Variants in ABLIM2 observed in about 807,000 individuals in gnomAD.
ABLIM2 encodes the protein actin binding LIM protein family member 2, also known as actin-binding LIM protein 2.
Under a neutral mutation model 97.7 loss-of-function variants are expected in ABLIM2, and 53 were observed. The observed-to-expected ratio is 0.54, with a 90% CI of 0.44 to 0.68. ABLIM2 has a LOEUF of 0.68. Among genes scored for constraint, ABLIM2 ranks in the 30% least tolerant of loss-of-function variants. The pLI is 0.00. For missense variants in ABLIM2, 835 were observed against 867.2 expected (o/e 0.96, Z 0.47); for synonymous variants, 361 against 345.8 (o/e 1.04, Z -0.49).
intron 3 of ABLIM2, among the ~76,000 whole-genome samples, chr4:8,092,713 A>G (rs560787634): frequency 2.2e-4 from 34 of 152,264 alleles, no homozygotes; most frequent in Non-Finnish European, 3.4e-4. Context: ...GAAAAAGCAC[A>G]GCTCACAAGT....
chr4:8,152,597 G>T (rs569207896), intron 1 of ABLIM2, among the ~76,000 whole-genome samples: 2 of 152,316 alleles, frequency 1.3e-5, no homozygotes, highest in South Asian at 4.1e-4. Context: ...GCTCGACTCG[G>T]GTTGCTCTGT....
intron 6 of ABLIM2, among the ~76,000 whole-genome samples, chr4:8,074,819 A>G (rs1187318214): frequency 8.1e-5 from 10 of 123,926 alleles, no homozygotes; most frequent in African/African-American, 3.2e-4. Context: ...CTCGCTCTGT[A>G]GCCCAGGCTG....
Position 8,132,052 on chromosome 4 carries a change from C to T in ABLIM2, c.11-25415G>A, listed in dbSNP as rs376301292. ...CCTGCATCCCCGAGCACAGCTGTGCCGGCCGAGCTCAGGCCTCGGGGTGCC... is the reference window on the plus strand; with the variant it reads ...CCTGCATCCCCGAGCACAGCTGTGCTGGCCGAGCTCAGGCCTCGGGGTGCC... On this transcript the variant is annotated intron_variant, in intron 1 of 20. Coordinates refer to ENST00000447017, the MANE Select transcript of ABLIM2 (RefSeq NM_001130083.2). The surrounding 1 kb of genome is among the most constrained non-coding windows in gnomAD (Gnocchi z 8.0). Among the ~76,000 whole-genome samples, 3 of 152,166 alleles carry T rather than the reference C, an allele frequency of 2.0e-5. No homozygotes were observed. The highest frequency in any genetic ancestry group is 2.1e-4 in the South Asian group (1 of 4,822).
At chr4:8,117,695 C>T (rs1458542570) in intron 1 of ABLIM2, among the ~76,000 whole-genome samples, 1 of 152,144 alleles carries the variant, frequency 6.6e-6, no homozygotes, top group Non-Finnish European at 1.5e-5. Context: ...TCATCATTCT[C>T]CTAGGCTCGA....
rs1841160438 is a variant in ABLIM2 at position 8,113,078 on chromosome 4, A to T, written c.11-6441T>A. Among the ~76,000 whole-genome samples the T allele has an allele frequency of 6.6e-6, 1 of 152,148 alleles. No individual in the cohort carries two copies. Among genetic ancestry groups the T allele is most frequent in the Non-Finnish European group, 1.5e-5 (1 of 68,032 alleles). On this transcript the variant is annotated intron_variant, in intron 1 of 20. Coordinates refer to ENST00000447017, the MANE Select transcript of ABLIM2 (RefSeq NM_001130083.2). The surrounding 1 kb of genome is among the most constrained non-coding windows in gnomAD (Gnocchi z 4.5). Reference sequence around the variant, plus strand: ...CGACCCAGACAGCAGAGTCCTCATCATTCCGTGATCTCTGGGAATCTTTTT... The same window carrying T: ...CGACCCAGACAGCAGAGTCCTCATCTTTCCGTGATCTCTGGGAATCTTTTT...
Position 8,127,586 on chromosome 4 carries a change from T to A in ABLIM2, c.11-20949A>T. The A allele has an allele frequency of 2.3e-6, 3 of 1,289,696 alleles. No individual in the cohort carries two copies. The highest frequency in any genetic ancestry group is 1.2e-5 in the South Asian group (1 of 81,026). The allele number at this position is 1,289,696 out of a possible 1,614,324, so 79.9% of individuals were successfully genotyped here. On this transcript the variant is annotated intron_variant, in intron 1 of 20. Transcript: ENST00000447017. The surrounding 1 kb of genome is among the most constrained non-coding windows in gnomAD (Gnocchi z 7.3). ...GGCACCCCCATGGAGCGTGGCTGCT[T>A]GCAAAGGGCCAGCGGGTCGGCGGCT... is the stretch of plus-strand genomic sequence containing the variant.
At chr4:7,971,098 C>G (rs1436915343) in intron 20 of ABLIM2, among the ~76,000 whole-genome samples, 1 of 152,152 alleles carries the variant, frequency 6.6e-6, no homozygotes, top group Admixed American at 6.5e-5. Flanking sequence ...CACACCTCAC[C>G]TGGCTGAGTC....
At chr4:8,000,755 C>T (rs1181957334) in intron 16 of ABLIM2, among the ~76,000 whole-genome samples, 2 of 152,174 alleles carry the variant, frequency 1.3e-5, no homozygotes, top group African/African-American at 4.8e-5. Context: ...GATGGCGAGG[C>T]TGCTGCCTGG....
At chr4:8,094,555 G>A (rs1830431948) in intron 3 of ABLIM2, among the ~76,000 whole-genome samples, 1 of 152,194 alleles carries the variant, frequency 6.6e-6, no homozygotes, top group African/African-American at 2.4e-5. Flanking sequence ...GAACAGGACA[G>A]GGATTTTCAC....
chr4:8,052,251 C>T (rs59525928), intron 8 of ABLIM2, among the ~76,000 whole-genome samples: 12,235 of 152,222 alleles, frequency 0.08, 1,342 homozygotes, highest in African/African-American at 0.25. Flanking sequence ...CTCCCTCACT[C>T]AGGTCCCTTC....
intron 1 of ABLIM2, among the ~76,000 whole-genome samples, chr4:8,154,251 C>G (rs1413014357): frequency 6.8e-6 from 1 of 148,022 alleles, no homozygotes; most frequent in Non-Finnish European, 1.5e-5. Context: ...CGTGAGCCAC[C>G]GCACCCAGCC....
At chr4:8,056,673 C>T (rs1799373062) in intron 7 of ABLIM2, among the ~76,000 whole-genome samples, 1 of 151,850 alleles carries the variant, frequency 6.6e-6, no homozygotes, top group African/African-American at 2.4e-5. Flanking sequence ...TGGCTCACAC[C>T]TGTAATCCCA....
intron 14 of ABLIM2, among the ~76,000 whole-genome samples, chr4:8,009,711 G>C (rs1560583048): frequency 6.6e-6 from 1 of 152,182 alleles, no homozygotes; most frequent in African/African-American, 2.4e-5. Context: ...GGCCTTTTGA[G>C]AACAAGCATT....
chr4:8,036,086 C>A (rs550599456), intron 10 of ABLIM2, 63 bp downstream of exon 10: 1 of 1,583,348 alleles, frequency 6.3e-7, no homozygotes, highest in Non-Finnish European at 8.6e-7. Flanking sequence ...AGGGATGACG[C>A]CTGTCCTGCA....
At chr4:8,009,157 G>A in intron 14 of ABLIM2, 55 bp from the exon 15 acceptor site, 1 of 1,600,974 alleles carries the variant, frequency 6.2e-7, no homozygotes, top group Non-Finnish European at 8.6e-7. Flanking sequence ...GTGGGTTTCT[G>A]CCTCATGGTT....
chr4:8,062,661 G>A (rs996814885), intron 6 of ABLIM2, among the ~76,000 whole-genome samples: 3 of 152,048 alleles, frequency 2.0e-5, no homozygotes, highest in South Asian at 4.2e-4. Flanking sequence ...GGATGGTCTC[G>A]ATCTCCTGAC....
In ABLIM2 at chr4:8,095,265, G is replaced by T. The variant is rs1021200855; in HGVS notation, c.338+1834C>A. Among the ~76,000 whole-genome samples the T allele has an allele frequency of 1.3e-5, 2 of 151,964 alleles. No individual in the cohort carries two copies. Among genetic ancestry groups the T allele is most frequent in the African/African-American group, 4.8e-5 (2 of 41,354 alleles). ...ACTACAGGCATGCACCACCATGCCA[G>T]ACTAATTTTTAAATTTTTTGTAGAG... On this transcript the variant is annotated intron_variant, in intron 3 of 20. Coordinates refer to ENST00000447017, the MANE Select transcript of ABLIM2 (RefSeq NM_001130083.2). This position sits in a 1 kb window ranked among gnomAD's most constrained non-coding sequence, Gnocchi z 4.7.
intron 6 of ABLIM2, among the ~76,000 whole-genome samples, chr4:8,062,824 A>G (rs569207624): frequency 4.0e-4 from 61 of 152,284 alleles, no homozygotes; most frequent in African/African-American, 1.4e-3. Context: ...TATCAACGTC[A>G]CAGTTGTCAA....
intron 17 of ABLIM2, chr4:7,989,540 AT>A (rs942729571): frequency 1.3e-4 from 64 of 505,672 alleles, no homozygotes; most frequent in Non-Finnish European, 1.5e-4. Flanking sequence ...TTCTCCTTTT[AT>A]ACTATTAATT....
Sources: gnomAD v4.1 joint callset for allele counts (sites outside exome capture counted in the v4.1 genomes callset) on GRCh38, gnomAD v4.1.1 for gene constraint, Gnocchi (gnomAD v3.1) non-coding constraint, MANE v1.5 for transcripts, NCBI Gene and HGNC (gene_info 2026-07-23, HGNC 2026-07-21) for gene names.